The following CFL2 variants were observed in gnomAD, a reference collection of about 807,000 sequenced individuals.
CFL2 encodes the protein cofilin 2, also known as cofilin-2.
A neutral mutation model predicts 19.6 loss-of-function variants in CFL2; 10 were observed. The ratio of observed to expected loss-of-function variants is 0.51; its 90% CI spans 0.31 to 0.86. The LOEUF (loss-of-function observed/expected upper bound fraction) is 0.86, where lower values mean the gene tolerates loss of function less well. Ranked by LOEUF, CFL2 falls within the 40% of genes least tolerant of loss-of-function variation. The probability of loss-of-function intolerance (pLI) is 0.04; values close to 1 mark genes in which losing one functional copy is unlikely to be tolerated. For missense variants in CFL2, 125 were observed against 192.1 expected, an observed-to-expected ratio of 0.65 and a Z score of 2.06; for synonymous variants, 63 against 66.7, an observed-to-expected ratio of 0.95 and a Z score of 0.27.
At chr14:34,714,184 C>G in intron 1 of CFL2, 2 of 371,830 alleles carry the variant, frequency 5.4e-6, no homozygotes, top group Middle Eastern at 7.3e-4. Context: ...ACACAGCGTT[C>G]GCAGCACGTA....
In CFL2 at chr14:34,712,683, A is replaced by T; in HGVS notation, c.*182T>A. On this transcript the variant is annotated 3_prime_UTR_variant, in exon 4 of 4. Transcript: ENST00000298159. Reference sequence around the variant, plus strand: ...TTCTATATAAAAGTAACAGTATTCAACAGTCTAATGGCAATCACTGATAGG... The same window carrying T: ...TTCTATATAAAAGTAACAGTATTCATCAGTCTAATGGCAATCACTGATAGG... 1.4e-6 allele frequency: 1 copy of T among 691,858 alleles called. No homozygotes were observed. The allele number at this position is 691,858 out of a possible 1,614,324, so 42.9% of individuals were successfully genotyped here.
rs1268435342 is a variant in CFL2 at position 34,712,565 on chromosome 14, A to C, written c.*300T>G. 1.9e-6 allele frequency: 1 copy of C among 525,532 alleles called. No homozygotes were observed. The highest frequency in any genetic ancestry group is 3.6e-6 in the Non-Finnish European group (1 of 274,390). The allele number at this position is 525,532 out of a possible 1,614,324, so 32.6% of individuals were successfully genotyped here. On this transcript the variant is annotated 3_prime_UTR_variant, in exon 4 of 4. Coordinates refer to ENST00000298159, the MANE Select transcript of CFL2 (RefSeq NM_138638.5). ...TCCTTTGCAGTATTCTAAGCTATTC[A>C]CATTGACGATCACATACATTGTAGT...
Position 34,712,775 on chromosome 14 carries a change from C to A in CFL2, c.*90G>T, listed in dbSNP as rs2138472698. 1.2e-6 allele frequency: 1 copy of A among 803,320 alleles called. No homozygotes were observed. The highest frequency in any genetic ancestry group is 2.3e-6 in the Non-Finnish European group (1 of 443,718). The allele number at this position is 803,320 out of a possible 1,614,324, so 49.8% of individuals were successfully genotyped here. On this transcript the variant is annotated 3_prime_UTR_variant, in exon 4 of 4. Coordinates refer to ENST00000298159, the MANE Select transcript of CFL2 (RefSeq NM_138638.5). ...AGGGCCCAGTGGAAAGGGGGAAATA[C>A]AACAAAAAACCAAAACCTAATACTA... is the stretch of plus-strand genomic sequence containing the variant.
At position 34,710,486 on chromosome 14, in the gene CFL2, G is replaced by T; in HGVS notation, c.*2379C>A. On this transcript the variant is annotated 3_prime_UTR_variant, in exon 4 of 4. Transcript: ENST00000298159. ...TTATTTTTTAAACTCTCATAACTTT[G>T]CAAGCTAGCAGTAAAATATTGCCTT... is the stretch of plus-strand genomic sequence containing the variant. 2.3e-6 allele frequency: 1 copy of T among 439,352 alleles called. No homozygotes were observed. Among genetic ancestry groups the T allele is most frequent in the Non-Finnish European group, 4.5e-6 (1 of 221,116 alleles). 27.2% of individuals were successfully genotyped at this position (439,352 alleles called of 1,614,324 possible).
Position 34,712,171 on chromosome 14 carries a change from A to T in CFL2, c.*694T>A, listed in dbSNP as rs1209291570. ...GTTGCAGGACTCACATGGTAAACATAAAACTCCTACACTTATTCAGTAGTG... is the reference window on the plus strand; with the variant it reads ...GTTGCAGGACTCACATGGTAAACATTAAACTCCTACACTTATTCAGTAGTG... On this transcript the variant is annotated 3_prime_UTR_variant, in exon 4 of 4. Coordinates refer to ENST00000298159, the MANE Select transcript of CFL2 (RefSeq NM_138638.5). 2.2e-6 allele frequency: 1 copy of T among 454,572 alleles called. No individual in the cohort carries two copies. Among genetic ancestry groups the T allele is most frequent in the Admixed American group, 2.3e-5 (1 of 42,572 alleles). The allele number at this position is 454,572 out of a possible 1,614,324, so 28.2% of individuals were successfully genotyped here. A position where few individuals can be genotyped will look rare whatever the true frequency, so the allele number is the denominator to read the frequency against.
At chr14:34,714,409 C>T in intron 1 of CFL2, 129 bp downstream of exon 1, 4 of 1,380,772 alleles carry the variant, frequency 2.9e-6, no homozygotes, top group Non-Finnish European at 2.9e-6. Context: ...TGGAGAGCAG[C>T]GGAGCCGCAG....
At chr14:34,713,749 T>A (rs1353141406) in intron 1 of CFL2, 188 bp from the exon 2 acceptor site, 6 of 1,612,010 alleles carry the variant, frequency 3.7e-6, no homozygotes, top group Non-Finnish European at 5.1e-6. Flanking sequence ...TAACTCATCC[T>A]GCCCATTCAT....
chr14:34,712,637 G>T lies in CFL2; in HGVS notation c.*228C>A. The T allele has an allele frequency of 1.5e-6, 1 of 648,914 alleles. No individual in the cohort carries two copies. The highest frequency in any genetic ancestry group is 2.8e-6 in the Non-Finnish European group (1 of 353,108). The allele number at this position is 648,914 out of a possible 1,614,324, so 40.2% of individuals were successfully genotyped here. On this transcript the variant is annotated 3_prime_UTR_variant, in exon 4 of 4. Transcript: ENST00000298159. ...TAACCAGTTGTTTTGGCTAAAATAT[G>T]ACAGGAAGGCATTCCTTGGGTTCTA... is the stretch of plus-strand genomic sequence containing the variant.
chr14:34,714,280 G>A (rs1885418870), intron 1 of CFL2: 1 of 489,648 alleles, frequency 2.0e-6, no homozygotes, highest in Non-Finnish European at 3.5e-6. Flanking sequence ...AGACCCTCTC[G>A]CGCCCCCGCC....
rs747322046 is a variant in CFL2, at chr14:34,714,572, C to A, written c.-32G>T. ...CTCGGCTGTGGCTGCGGCGGCAGCT[C>A]GGGCTTCGGCTCTGTGGCACTGGGA... is the stretch of plus-strand genomic sequence containing the variant. On this transcript the variant is annotated 5_prime_UTR_variant, in exon 1 of 4. Coordinates refer to ENST00000298159, the MANE Select transcript of CFL2 (RefSeq NM_138638.5). 58 of 1,547,916 alleles carry A rather than the reference C, an allele frequency of 3.7e-5. 1 individual carries two copies. In the South Asian group the frequency reaches 6.6e-4, roughly 18 times the overall value.
rs1255621874 is a variant in CFL2, at chr14:34,709,232, T to C, written c.*3633A>G. On this transcript the variant is annotated 3_prime_UTR_variant, in exon 4 of 4. Coordinates refer to ENST00000298159, the MANE Select transcript of CFL2 (RefSeq NM_138638.5). ...TTCCTGTTTTCAAAAACCATTTCCA[T>C]ATTTAGTACTCAGGAAACATGGTAA... 1 of 152,118 alleles carries C rather than the reference T, an allele frequency of 6.6e-6. No individual in the cohort carries two copies. The highest frequency in any genetic ancestry group is 1.5e-5 in the Non-Finnish European group (1 of 68,012). 9.4% of individuals were successfully genotyped at this position (152,118 alleles called of 1,614,324 possible).
chr14:34,714,045 T>G (rs1048099586), intron 1 of CFL2, among the ~76,000 whole-genome samples: 3 of 152,204 alleles, frequency 2.0e-5, no homozygotes, highest in Non-Finnish European at 4.4e-5. Context: ...ACAGCTCACA[T>G]GCAGACACTC....
chr14:34,712,179 T>C lies in CFL2; in HGVS notation c.*686A>G, dbSNP rs1242618873. The C allele has an allele frequency of 2.2e-6, 1 of 454,536 alleles. No individual in the cohort carries two copies. Among genetic ancestry groups the C allele is most frequent in the African/African-American group, 2.0e-5 (1 of 50,124 alleles). The allele number at this position is 454,536 out of a possible 1,614,324, so 28.2% of individuals were successfully genotyped here. On this transcript the variant is annotated 3_prime_UTR_variant, in exon 4 of 4. Coordinates refer to ENST00000298159, the MANE Select transcript of CFL2 (RefSeq NM_138638.5). ...ACTCACATGGTAAACATAAAACTCC[T>C]ACACTTATTCAGTAGTGTACACTCA...
At position 34,711,985 on chromosome 14, in the gene CFL2, T is replaced by C; in HGVS notation, c.*880A>G. 1 of 454,452 alleles carries C rather than the reference T, an allele frequency of 2.2e-6. No homozygotes were observed. The highest frequency in any genetic ancestry group is 1.6e-5 in the South Asian group (1 of 64,470). The allele number at this position is 454,452 out of a possible 1,614,324, so 28.2% of individuals were successfully genotyped here. A position where few individuals can be genotyped will look rare whatever the true frequency, so the allele number is the denominator to read the frequency against. ...TTGTTTCACATAACATTTTGCAAAA[T>C]TTCCAAGGAAAACAAGGCAACGTTC... is the stretch of plus-strand genomic sequence containing the variant. On this transcript the variant is annotated 3_prime_UTR_variant, in exon 4 of 4. Coordinates refer to ENST00000298159, the MANE Select transcript of CFL2 (RefSeq NM_138638.5).
rs1234797042 is a variant in CFL2, at chr14:34,710,875, T to C, written c.*1990A>G. 2.2e-6 allele frequency: 1 copy of C among 453,950 alleles called. No homozygotes were observed. Among genetic ancestry groups the C allele is most frequent in the African/African-American group, 2.0e-5 (1 of 50,002 alleles). 28.1% of individuals were successfully genotyped at this position (453,950 alleles called of 1,614,324 possible). ...TTTTTTAAAAGAATGAGGAAATAAC[T>C]CAATGAAAAATTCCATGGTGCCAAG... On this transcript the variant is annotated 3_prime_UTR_variant, in exon 4 of 4. Transcript: ENST00000298159.
Position 34,709,482 on chromosome 14 carries a change from A to T in CFL2, c.*3383T>A, listed in dbSNP as rs1191155464. Reference sequence around the variant, plus strand: ...ATAAACTCATGCTGTCTTCAAAAGCAGTATTTGAGCTTTTGAAGTGGTGGC... The same window carrying T: ...ATAAACTCATGCTGTCTTCAAAAGCTGTATTTGAGCTTTTGAAGTGGTGGC... On this transcript the variant is annotated 3_prime_UTR_variant, in exon 4 of 4. Coordinates refer to ENST00000298159, the MANE Select transcript of CFL2 (RefSeq NM_138638.5). The T allele has an allele frequency of 6.6e-6, 1 of 152,064 alleles. No individual in the cohort carries two copies. The highest frequency in any genetic ancestry group is 1.5e-5 in the Non-Finnish European group (1 of 68,022). 9.4% of individuals were successfully genotyped at this position (152,064 alleles called of 1,614,324 possible).
rs1365038450 is a variant in CFL2, at chr14:34,710,557, A to G, written c.*2308T>C. The G allele has an allele frequency of 2.3e-6, 1 of 432,538 alleles. No individual in the cohort carries two copies. Among genetic ancestry groups the G allele is most frequent in the Admixed American group, 2.6e-5 (1 of 37,872 alleles). The allele number at this position is 432,538 out of a possible 1,614,324, so 26.8% of individuals were successfully genotyped here. A position where few individuals can be genotyped will look rare whatever the true frequency, so the allele number is the denominator to read the frequency against. Reference sequence around the variant, plus strand: ...CCGTATACCTTTTAAAGCTAACTGGAACATTGATTCATTATAAATGATTGT... The same window carrying G: ...CCGTATACCTTTTAAAGCTAACTGGGACATTGATTCATTATAAATGATTGT... On this transcript the variant is annotated 3_prime_UTR_variant, in exon 4 of 4. Transcript: ENST00000298159.
chr14:34,713,776 T>C, intron 1 of CFL2: 2 of 1,610,788 alleles, frequency 1.2e-6, no homozygotes, highest in Non-Finnish European at 8.5e-7. Flanking sequence ...TAAAGGGGTT[T>C]GGACGTGGAA....
chr14:34,711,867 C>T lies in CFL2; in HGVS notation c.*998G>A, dbSNP rs1489273649. On this transcript the variant is annotated 3_prime_UTR_variant, in exon 4 of 4. Transcript: ENST00000298159. ...TACTTTTTAAACCAAATAGATCCAACAAATCTGGAAAATATCACACATGAA... is the reference window on the plus strand; with the variant it reads ...TACTTTTTAAACCAAATAGATCCAATAAATCTGGAAAATATCACACATGAA... 2.2e-6 allele frequency: 1 copy of T among 454,272 alleles called. No homozygotes were observed. Among genetic ancestry groups the T allele is most frequent in the Admixed American group, 2.4e-5 (1 of 42,534 alleles). The allele number at this position is 454,272 out of a possible 1,614,324, so 28.1% of individuals were successfully genotyped here.
Sources: allele counts gnomAD v4.1 joint callset (sites outside exome capture counted in the v4.1 genomes callset), GRCh38; gene constraint gnomAD v4.1.1; transcripts MANE v1.5; gene names NCBI Gene and HGNC (gene_info 2026-07-23, HGNC 2026-07-21).